The following SRRM1 variants were observed in gnomAD, a reference collection of about 807,000 sequenced individuals.
SRRM1 encodes the protein serine and arginine repetitive matrix 1.
Under a neutral mutation model 110.2 loss-of-function variants are expected in SRRM1, and 19 were observed. The ratio of observed to expected loss-of-function variants is 0.17; its 90% CI spans 0.12 to 0.25. The LOEUF (loss-of-function observed/expected upper bound fraction) is 0.25. SRRM1 is among the 10% of genes least tolerant of loss of function. The probability of loss-of-function intolerance (pLI) is 1.00; values close to 1 mark genes in which losing one functional copy is unlikely to be tolerated. For synonymous variants in SRRM1, 443 were observed against 414.9 expected (o/e 1.07, Z -0.82); for missense variants, 918 against 1,145.8 (o/e 0.80, Z 2.87).
Position 24,655,072 on chromosome 1 carries a change from T to C in SRRM1, c.1258T>C (p.Ser420Pro). The C allele has an allele frequency of 6.2e-7, 1 of 1,614,142 alleles. No individual in the cohort carries two copies. The highest frequency in any genetic ancestry group is 8.5e-7 in the Non-Finnish European group (1 of 1,180,028). The part of the protein sequence containing the change: ...KTRHSPTPQQ[S>P]NRTRKSRVSV... ...TCGGCATTCCCCTACACCCCAGCAG[T>C]CAAACCGTACAAGAAAAAGTCGTGT... The change falls in exon 9 of 17, where the codon TCA (serine) becomes CCA (proline). Residue 420 changes from serine (S) to proline (P), a missense_variant. Around this residue, in one of 5 missense-constraint regions of SRRM1, gnomAD observed 456 missense variants for 453.5 expected, o/e 1.01. Transcript: ENST00000323848.
At chr1:24,644,049 G>A (rs551899875) in intron 1 of SRRM1, among the ~76,000 whole-genome samples, 23 of 152,304 alleles carry the variant, frequency 1.5e-4, no homozygotes, top group Non-Finnish European at 2.9e-4. Flanking sequence ...AGGTTGTGGA[G>A]TGATTCAATT....
intron 3 of SRRM1, chr1:24,647,250 A>C (rs1188339315): frequency 6.5e-6 from 1 of 153,244 alleles, no homozygotes; most frequent in Non-Finnish European, 1.5e-5. Context: ...ACAACAACAA[A>C]AAACACAAAC....
intron 12 of SRRM1, among the ~76,000 whole-genome samples, chr1:24,664,734 A>G (rs1246691394): frequency 3.3e-5 from 5 of 152,322 alleles, no homozygotes; most frequent in Non-Finnish European, 1.5e-5. Context: ...ATAAAAACCT[A>G]AAAAAGATTA....
At position 24,670,097 on chromosome 1, in the gene SRRM1, A is replaced by T. The variant is rs376699604; in HGVS notation, c.2205-23A>T. On this transcript the variant is annotated intron_variant, in intron 14 of 16. Transcript: ENST00000323848. ...AGAGAGATGGCTGTTCTCAATGCTG[A>T]ATGTTTTTTCCTTTTTGTCTAGGGC... is the stretch of plus-strand genomic sequence containing the variant. 11 of 1,533,830 alleles carry T rather than the reference A, an allele frequency of 7.2e-6. No individual in the cohort carries two copies. In the African/African-American group the frequency reaches 1.5e-4, roughly 21 times the overall value.
chr1:24,660,244 A>C (rs1666441314), intron 9 of SRRM1, among the ~76,000 whole-genome samples: 1 of 152,200 alleles, frequency 6.6e-6, no homozygotes. Context: ...TGTAGCACAC[A>C]GAGGTTTACT....
At chr1:24,654,164 AT>A in intron 8 of SRRM1, 1 of 489,702 alleles carries the variant, frequency 2.0e-6, no homozygotes, top group Middle Eastern at 6.7e-4. Context: ...GGAAACAGCT[AT>A]TTCTTATACT....
chr1:24,646,113 C>A, intron 2 of SRRM1, 40 bp downstream of exon 2: 1 of 1,464,912 alleles, frequency 6.8e-7, no homozygotes, highest in Non-Finnish European at 9.5e-7. Flanking sequence ...CTTTATAGCA[C>A]ACTTACTTGA....
At chr1:24,663,987 C>CT (rs973518559) in intron 12 of SRRM1, among the ~76,000 whole-genome samples, 1,653 of 119,738 alleles carry the variant, frequency 0.014, 76 homozygotes, top group African/African-American at 0.026. Context: ...GCATAGCTCT[C>CT]TTTTTTTTTT....
At chr1:24,646,167 G>A in intron 2 of SRRM1, 94 bp downstream of exon 2, 2 of 917,204 alleles carry the variant, frequency 2.2e-6, no homozygotes, top group Admixed American at 2.0e-5. Context: ...TAACTTGAAT[G>A]CTAAGAAAAA....
chr1:24,657,514 C>T (rs1282900847), intron 9 of SRRM1, among the ~76,000 whole-genome samples: 2 of 152,150 alleles, frequency 1.3e-5, no homozygotes, highest in African/African-American at 4.8e-5. Context: ...CTGCTTAGAA[C>T]AGTAACATCA....
intron 2 of SRRM1, 70 bp from the exon 3 acceptor site, chr1:24,646,597 C>T (rs1462926562): frequency 7.4e-6 from 10 of 1,358,090 alleles, no homozygotes; most frequent in Non-Finnish European, 7.9e-6. Context: ...CTTTGGTAGA[C>T]AGAACTCTAA....
At chr1:24,646,936 T>A in intron 3 of SRRM1, 147 bp downstream of exon 3, 1 of 622,190 alleles carries the variant, frequency 1.6e-6, no homozygotes, top group Non-Finnish European at 2.5e-6. Flanking sequence ...AAACAACTAT[T>A]AAGGCTGGAA....
intron 9 of SRRM1, among the ~76,000 whole-genome samples, chr1:24,660,199 G>T (rs1666414206): frequency 6.6e-6 from 1 of 152,186 alleles, no homozygotes; most frequent in Admixed American, 6.5e-5. Flanking sequence ...GTGAGTGTGG[G>T]TGTGGAGGGT....
Position 24,646,687 on chromosome 1 carries a change from T to C in SRRM1, c.132T>C (p.Asn44=). ...LEKKVDMSKV[N]LEVIKPWITK... ...ATCAGGTGGACATGAGCAAAGTAAA[T>C]TTGGAGGTTATAAAGCCTTGGATAA... Residue 44 remains asparagine, a synonymous_variant, in exon 3 of 17, where the codon AAT becomes AAC. Coordinates refer to ENST00000323848, the MANE Select transcript of SRRM1 (RefSeq NM_005839.4). The C allele has an allele frequency of 6.2e-7, 1 of 1,600,354 alleles. No homozygotes were observed. Among genetic ancestry groups the C allele is most frequent in the East Asian group, 2.3e-5 (1 of 44,156 alleles).
intron 1 of SRRM1, chr1:24,643,754 G>C (rs1655367316): frequency 4.7e-6 from 1 of 213,878 alleles, no homozygotes; most frequent in Admixed American, 5.9e-5. Flanking sequence ...CGGCAGGGCA[G>C]GGAGAATATG....
chr1:24,657,397 C>T (rs750988767), intron 9 of SRRM1, among the ~76,000 whole-genome samples: 1 of 152,272 alleles, frequency 6.6e-6, no homozygotes, highest in East Asian at 1.9e-4. Context: ...CTTTCCTACC[C>T]CAGAACTCTT....
chr1:24,660,114 CT>C (rs1666377027), intron 9 of SRRM1, among the ~76,000 whole-genome samples: 1 of 152,202 alleles, frequency 6.6e-6, no homozygotes, highest in African/African-American at 2.4e-5. Flanking sequence ...TCATCTTTTA[CT>C]TTTCTGAACC....
At chr1:24,644,848 TAAATA>T (rs1224637359) in intron 1 of SRRM1, among the ~76,000 whole-genome samples, 2 of 152,180 alleles carry the variant, frequency 1.3e-5, no homozygotes, top group Admixed American at 6.5e-5. Context: ...GGAGTCCAAA[TAAATA>T]AAAGAGTAAG....
In SRRM1 at chr1:24,646,778, C is replaced by T. The variant is rs759748646; in HGVS notation, c.223C>T (p.Leu75=). The T allele has an allele frequency of 6.3e-7, 1 of 1,596,498 alleles. No homozygotes were observed. The highest frequency in any genetic ancestry group is 8.5e-7 in the Non-Finnish European group (1 of 1,174,144). ...DVVIEFIFNQ[L]EVKNPDSKMM... ...TGTGATTGAGTTTATATTCAACCAG[C>T]TGGAAGTGAAGGTACTAATATACAA... Residue 75 remains leucine (L), a synonymous_variant, in exon 3 of 17, where the codon CTG becomes TTG. Transcript: ENST00000323848.
Sources: gnomAD v4.1 joint callset for allele counts (sites outside exome capture counted in the v4.1 genomes callset) on GRCh38, gnomAD v4.1.1 for gene constraint, gnomAD v4.1.1 regional missense constraint, MANE v1.5 for transcripts, NCBI Gene and HGNC (gene_info 2026-07-23, HGNC 2026-07-21) for gene names.